Variants in ATG2B observed in about 807,000 individuals in gnomAD.
The protein encoded by ATG2B is autophagy related 2B.
In ATG2B, 121 loss-of-function variants were observed where a neutral mutation model predicts 241.3. The observed-to-expected ratio is 0.50, with a 90% CI of 0.43 to 0.58. The LOEUF (loss-of-function observed/expected upper bound fraction) is 0.58. Among genes scored for constraint, ATG2B ranks in the 20% least tolerant of loss-of-function variants. The probability of loss-of-function intolerance (pLI) is 0.00; values close to 1 mark genes in which losing one functional copy is unlikely to be tolerated. For synonymous variants in ATG2B, 858 were observed against 876.6 expected, an observed-to-expected ratio of 0.98 and a Z score of 0.37; for missense variants, 2,306 against 2,491.6, an observed-to-expected ratio of 0.93 and a Z score of 1.59.
intron 6 of ATG2B, among the ~76,000 whole-genome samples, chr14:96,339,635 T>C (rs531301269): frequency 6.6e-6 from 1 of 151,978 alleles, no homozygotes; most frequent in East Asian, 1.9e-4. Flanking sequence ...GAAAACCAAA[T>C]ACCATATGTT....
In ATG2B at chr14:96,304,560, G is replaced by A. The variant is rs201971971; in HGVS notation, c.4777C>T (p.Arg1593Cys). The A allele has an allele frequency of 2.7e-5, 44 of 1,609,224 alleles. No individual in the cohort carries two copies. The Admixed American group carries it at 3.0e-4, about 11-fold the overall frequency. ...CCTTTTCCCCCACATACTGTATTAC[G>A]TCCATGTCTCGTGGGTGTGTGAGAA... ...SPSHTPTRHG[R>C]NTVCGGKGRN... Residue 1593 changes from arginine to cysteine, a missense_variant, in exon 32 of 42, where the codon CGT becomes TGT. By Grantham distance (180) the Arg-to-Cys change is radical. This residue lies in a region of ATG2B where 1,927 missense variants were observed against 2,011.2 expected (regional missense o/e 0.96). Transcript: ENST00000359933.
At position 96,308,276 on chromosome 14, in the gene ATG2B, ATATATAT is replaced by A. The variant is rs1887051304; in HGVS notation, c.4303+1170_4303+1176del. ...TACACACATATATATATATATATAT[ATATATAT>A]TTTTTTTTTTTTTTTTTTTGAGACA... is the stretch of plus-strand genomic sequence containing the variant. On this transcript the variant is annotated intron_variant, in intron 29 of 41. Coordinates refer to ENST00000359933, the MANE Select transcript of ATG2B (RefSeq NM_018036.7). 5.5e-4 allele frequency among the ~76,000 whole-genome samples: 15 copies of A among 27,112 alleles called. 1 individual carries two copies. The highest frequency in any genetic ancestry group is 7.8e-4 in the Non-Finnish European group (12 of 15,432). 17.8% of individuals were successfully genotyped at this position (27,112 alleles called of 152,430 possible).
At chr14:96,333,592 C>T in intron 8 of ATG2B, 96 bp downstream of exon 8, 1 of 1,141,942 alleles carries the variant, frequency 8.8e-7, no homozygotes, top group East Asian at 2.5e-5. Flanking sequence ...TTTGTTCTTT[C>T]ATTCCTAAAC....
rs368473066 is a variant in ATG2B at position 96,324,014 on chromosome 14, G to T, written c.2438-16C>A. 7.3e-6 allele frequency: 11 copies of T among 1,514,770 alleles called. No individual in the cohort carries two copies. The highest frequency in any genetic ancestry group is 1.2e-5 in the South Asian group (1 of 84,570). The allele number at this position is 1,514,770 out of a possible 1,614,324, so 93.8% of individuals were successfully genotyped here. ...TGGAACGATCCTAAAAAAAAAGACTGATTTACTGAAATGTGCTTCTTCTCA... is the reference window on the plus strand; with the variant it reads ...TGGAACGATCCTAAAAAAAAAGACTTATTTACTGAAATGTGCTTCTTCTCA... On this transcript the variant is annotated splice_polypyrimidine_tract_variant and intron_variant, in intron 15 of 41. Transcript: ENST00000359933.
At chr14:96,342,277 C>T (rs1018306767) in intron 5 of ATG2B, among the ~76,000 whole-genome samples, 1 of 151,788 alleles carries the variant, frequency 6.6e-6, no homozygotes, top group Non-Finnish European at 1.5e-5. Context: ...AAATCCAAAA[C>T]TTTTTTGAGT....
At chr14:96,317,577 G>T (rs1436636294) in intron 19 of ATG2B, 121 bp downstream of exon 19, 1 of 889,450 alleles carries the variant, frequency 1.1e-6, no homozygotes, top group African/African-American at 1.7e-5. Flanking sequence ...ATTACTAAAA[G>T]AAATTGCAAA....
chr14:96,297,293 TAAAAA>T (rs142896282), intron 34 of ATG2B, among the ~76,000 whole-genome samples: 1 of 143,428 alleles, frequency 7.0e-6, no homozygotes, highest in Non-Finnish European at 1.5e-5. Flanking sequence ...ATTTCCTCTT[TAAAAA>T]AAAAAAAGGG....
Position 96,315,392 on chromosome 14 carries a change from T to A in ATG2B, c.3553A>T (p.Asn1185Tyr), listed in dbSNP as rs758841093. Residue 1185 changes from asparagine (N) to tyrosine (Y), a missense_variant, in exon 22 of 42, where the codon AAT becomes TAT. Asn to Tyr is a moderately radical substitution (Grantham distance 143). Around this residue, in one of 2 missense-constraint regions of ATG2B, gnomAD observed 1,927 missense variants for 2,011.2 expected, o/e 0.96. Transcript: ENST00000359933. ...AAGTACAAAACACAAACCTTTGTAT[T>A]GGACTCTGATTTATCAGACAATATT... ...VKILSDKSES[N>Y]TKEFLIAVGL... 5 of 1,613,944 alleles carry A rather than the reference T, an allele frequency of 3.1e-6. No homozygotes were observed. In the Admixed American group the frequency reaches 8.3e-5, roughly 27 times the overall value.
At chr14:96,320,977 A>G (rs2139869078) in intron 18 of ATG2B, among the ~76,000 whole-genome samples, 1 of 152,242 alleles carries the variant, frequency 6.6e-6, no homozygotes, top group African/African-American at 2.4e-5. Context: ...AATGTATATT[A>G]TAAAACAAAT....
chr14:96,335,128 T>A (rs1887836412), intron 6 of ATG2B, among the ~76,000 whole-genome samples: 1 of 152,166 alleles, frequency 6.6e-6, no homozygotes, highest in East Asian at 1.9e-4. Context: ...AAAAGCTCCA[T>A]CCCACTCTCT....
At chr14:96,300,829 T>G (rs1886770312) in intron 34 of ATG2B, among the ~76,000 whole-genome samples, 1 of 152,252 alleles carries the variant, frequency 6.6e-6, no homozygotes, top group Admixed American at 6.5e-5. Flanking sequence ...CACAGTACAT[T>G]TTCTCTAAGA....
intron 4 of ATG2B, among the ~76,000 whole-genome samples, chr14:96,343,783 A>G (rs984053810): frequency 6.6e-6 from 1 of 152,254 alleles, no homozygotes; most frequent in African/African-American, 2.4e-5. Flanking sequence ...AACAAAACAC[A>G]TAAGGTGGTT....
rs1048607246 is a variant in ATG2B at position 96,329,359 on chromosome 14, G to T, written c.1881+125C>A. The T allele has an allele frequency of 5.0e-6, 3 of 595,220 alleles. No individual in the cohort carries two copies. The African/African-American group carries it at 5.7e-5, about 11-fold the overall frequency. The allele number at this position is 595,220 out of a possible 1,614,324, so 36.9% of individuals were successfully genotyped here. On this transcript the variant is annotated intron_variant, in intron 12 of 41. Transcript: ENST00000359933. Reference sequence around the variant, plus strand: ...TTTCTATAGAACACAAGTGCAAAAAGAAAATGACAATATTCCTCCTATGGC... The same window carrying T: ...TTTCTATAGAACACAAGTGCAAAAATAAAATGACAATATTCCTCCTATGGC...
In ATG2B at chr14:96,313,387, G is replaced by A; in HGVS notation, c.3691C>T (p.Pro1231Ser). 6.3e-7 allele frequency: 1 copy of A among 1,595,982 alleles called. No homozygotes were observed. Among genetic ancestry groups the A allele is most frequent in the Non-Finnish European group, 8.5e-7 (1 of 1,174,578 alleles). ...TGAAAAGTTGTAAATGAAGTTGGAG[G>A]ATTATATCCCAAAACAGGTTCATCA... ...IADEPVLGYN[P>S]PTSFTTFHVH... The change falls in exon 24 of 42, where the codon CCT becomes TCT. Residue 1231 changes from proline (P) to serine (S), a missense_variant. This residue lies in a region of ATG2B where 1,927 missense variants were observed against 2,011.2 expected (regional missense o/e 0.96). Transcript: ENST00000359933.
rs147851208 is a variant in ATG2B, at chr14:96,300,024, C to T, written c.5139+1983G>A. The stretch of plus-strand genomic sequence containing the variant: ...AGAATTTTTGTGTCAGGTGATATAC[C>T]TCATTAACGCTTACATATTTGTGGT... On this transcript the variant is annotated intron_variant, in intron 34 of 41. Coordinates refer to ENST00000359933, the MANE Select transcript of ATG2B (RefSeq NM_018036.7). 9.7e-4 allele frequency among the ~76,000 whole-genome samples: 148 copies of T among 152,202 alleles called. 5 individuals are homozygous for T. The highest frequency in any genetic ancestry group is 3.3e-3 in the African/African-American group (135 of 41,506).
intron 6 of ATG2B, among the ~76,000 whole-genome samples, chr14:96,339,227 T>C (rs946290372): frequency 1.3e-5 from 2 of 151,718 alleles, no homozygotes; most frequent in African/African-American, 4.8e-5. Flanking sequence ...GGAAATTCCT[T>C]AAAAAACTAA....
chr14:96,313,255 C>A, intron 24 of ATG2B, 74 bp downstream of exon 24: 2 of 1,370,724 alleles, frequency 1.5e-6, no homozygotes, highest in East Asian at 2.3e-5. Context: ...CTTAACTCTA[C>A]TGAATTATGT....
chr14:96,348,457 C>T (rs1417646914), intron 1 of ATG2B, among the ~76,000 whole-genome samples: 2 of 151,962 alleles, frequency 1.3e-5, no homozygotes, highest in Admixed American at 6.6e-5. Context: ...CTGAGACGGG[C>T]AGATCTCTCG....
In ATG2B at chr14:96,280,844, T is replaced by A. The variant is rs1315077125; in HGVS notation, c.*4911A>T. On this transcript the variant is annotated 3_prime_UTR_variant, in exon 42 of 42. Transcript: ENST00000359933. ...CTGCAGTGAGCTAAGATTGCTCCAT[T>A]GTACTCCAGCCTGGGCAACAAGAGC... The A allele has an allele frequency of 6.6e-6, 1 of 152,188 alleles. No homozygotes were observed. The highest frequency in any genetic ancestry group is 1.5e-5 in the Non-Finnish European group (1 of 68,036). The allele number at this position is 152,188 out of a possible 1,614,324, so 9.4% of individuals were successfully genotyped here.
Sources: allele counts gnomAD v4.1 joint callset (sites outside exome capture counted in the v4.1 genomes callset), GRCh38; gene constraint gnomAD v4.1.1; regional missense constraint gnomAD v4.1.1; transcripts MANE v1.5; gene names NCBI Gene and HGNC (gene_info 2026-07-23, HGNC 2026-07-21).